Variants in MTA3 observed in about 807,000 individuals in gnomAD.
MTA3 encodes metastasis associated 1 family member 3.
MTA3 carries 34 observed loss-of-function variants against 83.5 expected under a neutral mutation model. The observed-to-expected ratio is 0.41, with a 90% CI of 0.31 to 0.54. The LOEUF (loss-of-function observed/expected upper bound fraction) is 0.54. Among genes scored for constraint, MTA3 ranks in the 20% least tolerant of loss-of-function variants. The probability of loss-of-function intolerance (pLI) is 0.33; values close to 1 mark genes in which losing one functional copy is unlikely to be tolerated. For synonymous variants in MTA3, 303 were observed against 252.7 expected (o/e 1.20, Z -1.89); for missense variants, 761 against 726.4 (o/e 1.05, Z -0.55).
At chr2:42,673,369 A>C (rs1002237457) in intron 8 of MTA3, among the ~76,000 whole-genome samples, 1 of 152,208 alleles carries the variant, frequency 6.6e-6, no homozygotes, top group Non-Finnish European at 1.5e-5. Context: ...AGGATGTTCA[A>C]CTTAACAATT....
At chr2:42,706,348 A>G (rs559575405) in intron 12 of MTA3, among the ~76,000 whole-genome samples, 6 of 152,244 alleles carry the variant, frequency 3.9e-5, no homozygotes, top group Non-Finnish European at 7.3e-5. Flanking sequence ...TTAGGCTTTC[A>G]TTTGTATAAA....
chr2:42,578,132 T>C (rs1339304972), intron 2 of MTA3, among the ~76,000 whole-genome samples: 3 of 152,224 alleles, frequency 2.0e-5, no homozygotes, highest in Admixed American at 6.5e-5. Context: ...TATATTCTTC[T>C]TTGTATTTGA....
chr2:42,610,642 T>A (rs1035693412), intron 4 of MTA3, among the ~76,000 whole-genome samples: 6 of 152,194 alleles, frequency 3.9e-5, no homozygotes, highest in African/African-American at 1.4e-4. Flanking sequence ...TTGTAGTGTA[T>A]AATCAGTGCA....
At chr2:42,513,265 G>A (rs764750788) in intron 2 of MTA3, among the ~76,000 whole-genome samples, 5 of 152,216 alleles carry the variant, frequency 3.3e-5, no homozygotes, top group Non-Finnish European at 5.9e-5. Context: ...GTTGGAGGGA[G>A]TGTGAGGGGA....
intron 2 of MTA3, among the ~76,000 whole-genome samples, chr2:42,538,762 T>TTG (rs1162864062): frequency 1.0e-4 from 10 of 99,678 alleles, no homozygotes; most frequent in South Asian, 3.7e-4. Context: ...AAAAATGTTT[T>TTG]TTTTGTTTTT....
At chr2:42,657,803 A>G (rs1573504157) in intron 7 of MTA3, among the ~76,000 whole-genome samples, 1 of 149,134 alleles carries the variant, frequency 6.7e-6, no homozygotes, top group South Asian at 2.1e-4. Context: ...ACAGTGGCTC[A>G]CGCCGCCTGT....
At chr2:42,597,036 C>A (rs1338865006) in intron 3 of MTA3, among the ~76,000 whole-genome samples, 1 of 151,838 alleles carries the variant, frequency 6.6e-6, no homozygotes, top group Non-Finnish European at 1.5e-5. Context: ...TCCTGAGTAG[C>A]TGGGACAACA....
intron 2 of MTA3, among the ~76,000 whole-genome samples, chr2:42,562,396 T>A (rs924206308): frequency 6.6e-6 from 1 of 152,184 alleles, no homozygotes; most frequent in African/African-American, 2.4e-5. Context: ...TCCGTCTCCT[T>A]CTGTTCTTTC....
intron 16 of MTA3, among the ~76,000 whole-genome samples, chr2:42,751,091 T>C (rs192666785): frequency 5.3e-4 from 81 of 152,312 alleles, no homozygotes; most frequent in African/African-American, 1.9e-3. Flanking sequence ...TTCTGTGGTT[T>C]CTTCTCTGAT....
chr2:42,747,884 A>G (rs1669557286), intron 16 of MTA3, among the ~76,000 whole-genome samples: 1 of 152,018 alleles, frequency 6.6e-6, no homozygotes, highest in South Asian at 2.1e-4. Context: ...CCACAATCAA[A>G]ATAATAAACT....
At chr2:42,528,993 G>A (rs927687497) in intron 2 of MTA3, among the ~76,000 whole-genome samples, 5 of 152,308 alleles carry the variant, frequency 3.3e-5, no homozygotes, top group East Asian at 1.9e-4. Flanking sequence ...GATTGGTACT[G>A]GAGTAGTTTG....
intron 4 of MTA3, chr2:42,613,549 T>C (rs1432823249): frequency 6.6e-6 from 1 of 152,192 alleles, no homozygotes; most frequent in Non-Finnish European, 1.5e-5. Context: ...TTTTTGGCTT[T>C]AAAAGGAGAA....
chr2:42,660,682 G>A (rs1689611271), intron 8 of MTA3, among the ~76,000 whole-genome samples: 1 of 152,126 alleles, frequency 6.6e-6, no homozygotes, highest in Non-Finnish European at 1.5e-5. Flanking sequence ...GTTTGGTGAG[G>A]TTATTTGACC....
intron 16 of MTA3, among the ~76,000 whole-genome samples, chr2:42,734,404 T>C (rs1459912011): frequency 1.3e-5 from 2 of 151,622 alleles, no homozygotes; most frequent in Non-Finnish European, 2.9e-5. Flanking sequence ...TTCCATCCCT[T>C]TACTTTGTTT....
At chr2:42,557,867 G>A (rs1295235413) in intron 2 of MTA3, among the ~76,000 whole-genome samples, 1 of 152,132 alleles carries the variant, frequency 6.6e-6, no homozygotes, top group African/African-American at 2.4e-5. Flanking sequence ...TCTGGCAGGG[G>A]ATGTGGGGGG....
At chr2:42,739,061 CTGT>C (rs1335275046) in intron 16 of MTA3, among the ~76,000 whole-genome samples, 2 of 152,156 alleles carry the variant, frequency 1.3e-5, no homozygotes, top group African/African-American at 4.8e-5. Flanking sequence ...TTCTATTACC[CTGT>C]TAAGTACTTG....
chr2:42,612,800 G>A (rs1045349563), intron 4 of MTA3, among the ~76,000 whole-genome samples: 4 of 152,112 alleles, frequency 2.6e-5, no homozygotes, highest in African/African-American at 9.7e-5. Flanking sequence ...GGTGAAGGTT[G>A]CAGTGAGCCA....
At chr2:42,693,322 A>C (rs1417279450) in intron 9 of MTA3, among the ~76,000 whole-genome samples, 1 of 152,174 alleles carries the variant, frequency 6.6e-6, no homozygotes, top group Non-Finnish European at 1.5e-5. Flanking sequence ...CCTTCCCTTC[A>C]GGGTAGTGAG....
intron 8 of MTA3, among the ~76,000 whole-genome samples, chr2:42,673,387 T>C (rs1233713802): frequency 6.6e-6 from 1 of 152,192 alleles, no homozygotes; most frequent in African/African-American, 2.4e-5. Context: ...ATTTTTGCTT[T>C]GTTTTGTTTT....
Sources: allele counts gnomAD v4.1 joint callset (sites outside exome capture counted in the v4.1 genomes callset), GRCh38; gene constraint gnomAD v4.1.1; transcripts MANE v1.5; gene names NCBI Gene and HGNC (gene_info 2026-07-23, HGNC 2026-07-21).